The following CNBD1 variants were observed in gnomAD, a reference collection of about 807,000 sequenced individuals.
CNBD1 encodes the protein cyclic nucleotide binding domain containing 1.
A neutral mutation model predicts 54.4 loss-of-function variants in CNBD1; 71 were observed. The ratio of observed to expected loss-of-function variants is 1.30; its 90% CI spans 1.08 to 1.59. The LOEUF (loss-of-function observed/expected upper bound fraction) is 1.59, where lower values mean the gene tolerates loss of function less well. Among genes scored for constraint, CNBD1 ranks in the 40% most tolerant of loss-of-function variants. The pLI, the probability that CNBD1 is intolerant of heterozygous loss-of-function variation, is 0.00. For missense variants in CNBD1, 659 were observed against 518.0 expected (o/e 1.27, Z -2.64); for synonymous variants, 182 against 170.7 (o/e 1.07, Z -0.51).
At chr8:86,895,432 A>G (rs1160870556) in intron 2 of CNBD1, among the ~76,000 whole-genome samples, 1 of 152,194 alleles carries the variant, frequency 6.6e-6, no homozygotes, top group Non-Finnish European at 1.5e-5. Context: ...ATTTATGTGC[A>G]GGTTTTTGTG....
chr8:87,388,100 A>T (rs964942633), intron 2 of CNBD1, among the ~76,000 whole-genome samples: 3 of 152,216 alleles, frequency 2.0e-5, no homozygotes, highest in Non-Finnish European at 4.4e-5. Context: ...GGACACATTC[A>T]AAACTGTGTA....
intron 2 of CNBD1, among the ~76,000 whole-genome samples, chr8:87,426,009 A>G (rs1472415536): frequency 6.6e-6 from 1 of 152,092 alleles, no homozygotes; most frequent in Non-Finnish European, 1.5e-5. Context: ...GGTGCAGGAT[A>G]TAATCTCGTG....
intron 4 of CNBD1, among the ~76,000 whole-genome samples, chr8:87,059,564 C>T (rs1017179355): frequency 6.6e-6 from 1 of 152,176 alleles, no homozygotes. Flanking sequence ...CAAACACATC[C>T]TTCTTCACAT....
At chr8:87,348,596 C>T (rs1810220691) in intron 8 of CNBD1, among the ~76,000 whole-genome samples, 1 of 152,178 alleles carries the variant, frequency 6.6e-6, no homozygotes, top group African/African-American at 2.4e-5. Flanking sequence ...GTTGCCTCGG[C>T]ATTGTCCATC....
intron 3 of CNBD1, among the ~76,000 whole-genome samples, chr8:86,931,678 G>A (rs1212027028): frequency 6.6e-6 from 1 of 152,098 alleles, no homozygotes; most frequent in East Asian, 1.9e-4. Flanking sequence ...CACCAAGGTT[G>A]CCAGGTTTAA....
chr8:87,345,813 G>A (rs1810163020), intron 8 of CNBD1, among the ~76,000 whole-genome samples: 1 of 152,036 alleles, frequency 6.6e-6, no homozygotes, highest in South Asian at 2.1e-4. Context: ...TAAAAATCTT[G>A]ATGAGTACAC....
intron 10 of CNBD1, among the ~76,000 whole-genome samples, chr8:87,371,797 C>T (rs1282042778): frequency 6.6e-6 from 1 of 151,902 alleles, no homozygotes; most frequent in Non-Finnish European, 1.5e-5. Context: ...ACCCTTCATG[C>T]TAAAAACTCT....
intron 10 of CNBD1, among the ~76,000 whole-genome samples, chr8:87,371,627 A>G (rs1270793700): frequency 1.3e-5 from 2 of 152,028 alleles, no homozygotes; most frequent in Non-Finnish European, 2.9e-5. Context: ...CACATCAAAA[A>G]GCTTATCCAC....
intron 8 of CNBD1, among the ~76,000 whole-genome samples, chr8:87,314,738 G>C (rs1333122663): frequency 6.6e-6 from 1 of 151,832 alleles, no homozygotes; most frequent in Non-Finnish European, 1.5e-5. Flanking sequence ...TTTTATAATA[G>C]CTCTTTGTCA....
chr8:86,966,240 G>T (rs564393044), intron 4 of CNBD1, among the ~76,000 whole-genome samples: 1 of 152,258 alleles, frequency 6.6e-6, no homozygotes, highest in Non-Finnish European at 1.5e-5. Flanking sequence ...CTGCCTCCAG[G>T]GGCCAGGCCA....
chr8:87,176,615 G>A (rs905099224), intron 4 of CNBD1, among the ~76,000 whole-genome samples: 9 of 150,278 alleles, frequency 6.0e-5, no homozygotes, highest in African/African-American at 2.2e-4. Context: ...CTCCCGATTA[G>A]CTGGGATTAC....
intron 2 of CNBD1, among the ~76,000 whole-genome samples, chr8:87,421,737 G>A (rs1334893794): frequency 6.1e-5 from 9 of 148,722 alleles, no homozygotes; most frequent in South Asian, 2.2e-4. Flanking sequence ...ATAAACATAC[G>A]TGTGCATGTG....
chr8:87,400,401 A>T (rs1450996959), intron 2 of CNBD1, among the ~76,000 whole-genome samples: 1 of 152,042 alleles, frequency 6.6e-6, no homozygotes, highest in Non-Finnish European at 1.5e-5. Flanking sequence ...ATTCTTGGGT[A>T]GAAAACTGAA....
intron 4 of CNBD1, among the ~76,000 whole-genome samples, chr8:87,165,058 G>A (rs1252803659): frequency 6.6e-6 from 1 of 151,312 alleles, no homozygotes; most frequent in Non-Finnish European, 1.5e-5. Flanking sequence ...GGAGTGTGCT[G>A]TTTATTTCCA....
chr8:86,969,424 A>G (rs79908767), intron 4 of CNBD1, among the ~76,000 whole-genome samples: 5,204 of 152,134 alleles, frequency 0.034, 262 homozygotes, highest in African/African-American at 0.11. Flanking sequence ...GAAAACCACT[A>G]CCAGTGGCAA....
intron 4 of CNBD1, among the ~76,000 whole-genome samples, chr8:87,176,296 C>G (rs939943085): frequency 6.6e-6 from 1 of 152,124 alleles, no homozygotes; most frequent in African/African-American, 2.4e-5. Flanking sequence ...GCTCTCCCCC[C>G]TCTGTATATC....
At chr8:87,153,779 A>G (rs969514107) in intron 4 of CNBD1, among the ~76,000 whole-genome samples, 3 of 152,210 alleles carry the variant, frequency 2.0e-5, no homozygotes, top group Non-Finnish European at 2.9e-5. Flanking sequence ...AAAATGAAAT[A>G]ATCAATGGTG....
chr8:86,983,602 G>T (rs1174465020), intron 4 of CNBD1, among the ~76,000 whole-genome samples: 1 of 152,190 alleles, frequency 6.6e-6, no homozygotes, highest in African/African-American at 2.4e-5. Flanking sequence ...GACTAAGGTG[G>T]TCTTAGACAG....
At chr8:87,310,511 C>T (rs1435245427) in intron 8 of CNBD1, among the ~76,000 whole-genome samples, 1 of 152,138 alleles carries the variant, frequency 6.6e-6, no homozygotes, top group Non-Finnish European at 1.5e-5. Flanking sequence ...AAACACTCCA[C>T]CCTCATAGCT....
Sources: gnomAD v4.1 joint callset for allele counts (sites outside exome capture counted in the v4.1 genomes callset) on GRCh38, gnomAD v4.1.1 for gene constraint, MANE v1.5 for transcripts, NCBI Gene and HGNC (gene_info 2026-07-23, HGNC 2026-07-21) for gene names.